Variants in SORCS1 observed in about 807,000 individuals in gnomAD.
SORCS1 encodes the protein sortilin related VPS10 domain containing receptor 1.
SORCS1 carries 60 observed loss-of-function variants against 146.1 expected under a neutral mutation model. The ratio of observed to expected loss-of-function variants is 0.41; its 90% CI spans 0.33 to 0.51. SORCS1 has a LOEUF of 0.51. Ranked by LOEUF, SORCS1 falls within the 20% of genes least tolerant of loss-of-function variation. The pLI, the probability that SORCS1 is intolerant of heterozygous loss-of-function variation, is 0.21. For missense variants in SORCS1, 1,352 were observed against 1,487.6 expected (o/e 0.91, Z 1.50); for synonymous variants, 637 against 584.0 (o/e 1.09, Z -1.31).
intron 3 of SORCS1, among the ~76,000 whole-genome samples, chr10:106,795,443 T>C (rs940579590): frequency 2.9e-4 from 44 of 152,288 alleles, no homozygotes; most frequent in African/African-American, 1.0e-3. Flanking sequence ...ATCTAGAATT[T>C]CTGTAAGGTT....
chr10:106,976,622 C>T (rs548221484), intron 1 of SORCS1, among the ~76,000 whole-genome samples: 9 of 151,704 alleles, frequency 5.9e-5, no homozygotes, highest in African/African-American at 9.6e-5. Flanking sequence ...TGAGCCACCG[C>T]GCCCGGCTGC....
At chr10:106,780,901 A>C (rs1019036427) in intron 3 of SORCS1, among the ~76,000 whole-genome samples, 1 of 152,214 alleles carries the variant, frequency 6.6e-6, no homozygotes, top group Admixed American at 6.5e-5. Flanking sequence ...AAGGAAGAAG[A>C]AACTTTATTT....
chr10:106,956,442 T>C, intron 2 of SORCS1, 71 bp downstream of exon 2: 2 of 1,392,080 alleles, frequency 1.4e-6, no homozygotes, highest in Non-Finnish European at 2.0e-6. Context: ...CAGGAAAAAG[T>C]GGGTGGGACA....
At chr10:106,701,977 A>G (rs923664183) in intron 8 of SORCS1, among the ~76,000 whole-genome samples, 1 of 152,232 alleles carries the variant, frequency 6.6e-6, no homozygotes, top group Non-Finnish European at 1.5e-5. Context: ...ATCTAGGTTC[A>G]TGTGACCTTT....
chr10:106,723,622 T>A (rs1855936667), intron 6 of SORCS1, among the ~76,000 whole-genome samples: 2 of 152,204 alleles, frequency 1.3e-5, no homozygotes, highest in African/African-American at 4.8e-5. Context: ...AAGAATAACA[T>A]CCTTGTCACA....
At chr10:106,589,486 C>T (rs2133259019) in intron 24 of SORCS1, among the ~76,000 whole-genome samples, 1 of 152,250 alleles carries the variant, frequency 6.6e-6, no homozygotes, top group Admixed American at 6.5e-5. Context: ...GCAATTAAGG[C>T]TTTAACTTAT....
intron 1 of SORCS1, among the ~76,000 whole-genome samples, chr10:107,090,130 C>A (rs946557758): frequency 3.3e-5 from 5 of 152,194 alleles, no homozygotes; most frequent in Non-Finnish European, 5.9e-5. Flanking sequence ...CTGGGATGAA[C>A]CAGCCTTCTT....
At chr10:106,941,400 TA>T (rs77310893) in intron 2 of SORCS1, among the ~76,000 whole-genome samples, 7,561 of 149,752 alleles carry the variant, frequency 0.05, 507 homozygotes, top group East Asian at 0.27. Flanking sequence ...CACAGAGACT[TA>T]AAAAAAAAAT....
chr10:106,686,268 T>C (rs1327810744), intron 10 of SORCS1, among the ~76,000 whole-genome samples: 1 of 152,144 alleles, frequency 6.6e-6, no homozygotes, highest in Non-Finnish European at 1.5e-5. Flanking sequence ...TGATATTACA[T>C]TTATATTTTG....
chr10:106,844,024 G>A (rs1949189677), intron 2 of SORCS1, among the ~76,000 whole-genome samples: 1 of 152,166 alleles, frequency 6.6e-6, no homozygotes, highest in Non-Finnish European at 1.5e-5. Context: ...AAGTGTACAA[G>A]GGTTCCCTTT....
At chr10:107,108,117 G>A (rs775161590) in intron 1 of SORCS1, among the ~76,000 whole-genome samples, 11 of 152,116 alleles carry the variant, frequency 7.2e-5, no homozygotes, top group Non-Finnish European at 1.3e-4. Context: ...TGAGCTGTTG[G>A]TTGTGAGCAA....
At chr10:106,911,440 C>T (rs1952147103) in intron 2 of SORCS1, among the ~76,000 whole-genome samples, 1 of 152,120 alleles carries the variant, frequency 6.6e-6, no homozygotes, top group Non-Finnish European at 1.5e-5. Context: ...CTTTTCTTCT[C>T]CTCTTAAATT....
chr10:106,795,625 T>G (rs2136571955), intron 3 of SORCS1, among the ~76,000 whole-genome samples: 1 of 152,318 alleles, frequency 6.6e-6, no homozygotes, highest in Admixed American at 6.5e-5. Flanking sequence ...ATCCATAACA[T>G]TCTGAGCCAT....
At chr10:106,746,116 C>T (rs915349562) in intron 5 of SORCS1, among the ~76,000 whole-genome samples, 8 of 151,812 alleles carry the variant, frequency 5.3e-5, no homozygotes, top group South Asian at 2.1e-4. Flanking sequence ...AAAATAAATG[C>T]AATTTGGGAT....
intron 6 of SORCS1, among the ~76,000 whole-genome samples, chr10:106,726,261 T>G (rs1213507880): frequency 6.9e-6 from 1 of 144,564 alleles, no homozygotes; most frequent in South Asian, 2.3e-4. Context: ...ATTGGTAGAT[T>G]TTTTTTTTCC....
chr10:106,958,339 T>C (rs1038437645), intron 1 of SORCS1, among the ~76,000 whole-genome samples: 1 of 152,216 alleles, frequency 6.6e-6, no homozygotes, highest in Non-Finnish European at 1.5e-5. Flanking sequence ...TGAATTCTTC[T>C]CTGAAGGCCA....
At chr10:107,137,294 G>A (rs1024183221) in intron 1 of SORCS1, among the ~76,000 whole-genome samples, 12 of 152,156 alleles carry the variant, frequency 7.9e-5, no homozygotes, top group South Asian at 2.1e-4. Context: ...CTGGGTCCCA[G>A]TCTTTTTTGA....
intron 15 of SORCS1, among the ~76,000 whole-genome samples, chr10:106,672,132 C>T (rs146361593): frequency 6.6e-6 from 1 of 152,316 alleles, no homozygotes; most frequent in Non-Finnish European, 1.5e-5. Flanking sequence ...TAACTGGCTT[C>T]ATTATACATC....
chr10:106,700,292 A>G (rs1854040391), intron 8 of SORCS1, among the ~76,000 whole-genome samples: 1 of 152,202 alleles, frequency 6.6e-6, no homozygotes, highest in African/African-American at 2.4e-5. Flanking sequence ...GGAAGCTACC[A>G]CAGTCCAAAG....
Sources: allele counts gnomAD v4.1 joint callset (sites outside exome capture counted in the v4.1 genomes callset), GRCh38; gene constraint gnomAD v4.1.1; transcripts MANE v1.5; gene names NCBI Gene and HGNC (gene_info 2026-07-23, HGNC 2026-07-21).